PLCB4: variants seen among roughly 807,000 people sequenced by gnomAD.
PLCB4 encodes 1-phosphatidylinositol 4,5-bisphosphate phosphodiesterase beta-4.
Under a neutral mutation model 178.8 loss-of-function variants are expected in PLCB4, and 77 were observed. The observed-to-expected ratio is 0.43, with a 90% CI of 0.36 to 0.52. The LOEUF (loss-of-function observed/expected upper bound fraction) is 0.52, where lower values mean the gene tolerates loss of function less well. Among genes scored for constraint, PLCB4 ranks in the 20% least tolerant of loss-of-function variants. The pLI, the probability that PLCB4 is intolerant of heterozygous loss-of-function variation, is 0.00. For missense variants in PLCB4, 1,024 were observed against 1,453.4 expected (o/e 0.70, Z 4.80); for synonymous variants, 496 against 490.8 (o/e 1.01, Z -0.14).
chr20:9,130,142 G>A (rs951259012), intron 2 of PLCB4, among the ~76,000 whole-genome samples: 8 of 152,280 alleles, frequency 5.3e-5, no homozygotes, highest in Non-Finnish European at 1.2e-4. Context: ...AGTCAGAGCT[G>A]TGCTTCAGTG....
intron 13 of PLCB4, among the ~76,000 whole-genome samples, chr20:9,383,907 T>G (rs2037359172): frequency 6.6e-6 from 1 of 152,204 alleles, no homozygotes; most frequent in Admixed American, 6.5e-5. Context: ...ACAGGCCCCC[T>G]GGACCCCTGG....
chr20:9,385,806 G>A (rs2037583536), intron 14 of PLCB4, among the ~76,000 whole-genome samples: 1 of 151,672 alleles, frequency 6.6e-6, no homozygotes, highest in Admixed American at 6.6e-5. Flanking sequence ...CCACATCCCA[G>A]ACGATGGGCA....
chr20:9,307,512 C>T (rs868585269), intron 3 of PLCB4, among the ~76,000 whole-genome samples: 1,510 of 131,758 alleles, frequency 0.011, 25 homozygotes, highest in African/African-American at 0.019. Context: ...CACACACACA[C>T]ACACACACAC....
intron 1 of PLCB4, among the ~76,000 whole-genome samples, chr20:9,075,651 G>C (rs1367037105): frequency 6.6e-6 from 1 of 152,194 alleles, no homozygotes; most frequent in Non-Finnish European, 1.5e-5. Context: ...TGAGGCTTGC[G>C]CCCATCCAGG....
At chr20:9,270,877 A>G (rs1345149294) in intron 3 of PLCB4, among the ~76,000 whole-genome samples, 2 of 152,146 alleles carry the variant, frequency 1.3e-5, no homozygotes, top group East Asian at 3.9e-4. Context: ...CCATACTATC[A>G]TGGAAAGATC....
chr20:9,287,429 A>G (rs1203258579), intron 3 of PLCB4, among the ~76,000 whole-genome samples: 2 of 152,084 alleles, frequency 1.3e-5, no homozygotes, highest in African/African-American at 4.8e-5. Flanking sequence ...CTTTTGTGAA[A>G]TGAAGGTATC....
At chr20:9,329,112 G>A (rs369238755) in intron 4 of PLCB4, among the ~76,000 whole-genome samples, 2 of 152,248 alleles carry the variant, frequency 1.3e-5, no homozygotes, top group Admixed American at 6.5e-5. Context: ...TATTGTACAC[G>A]TGGTGACAAA....
chr20:9,444,339 G>A, intron 32 of PLCB4, 96 bp downstream of exon 32: 1 of 715,930 alleles, frequency 1.4e-6, no homozygotes, highest in Non-Finnish European at 2.5e-6. Context: ...CCACTTAACA[G>A]TAATAACTCA....
At chr20:9,093,126 G>T (rs1457911968) in intron 1 of PLCB4, among the ~76,000 whole-genome samples, 3 of 152,084 alleles carry the variant, frequency 2.0e-5, no homozygotes, top group Non-Finnish European at 4.4e-5. Flanking sequence ...AAGGCCTTAG[G>T]ATATACCATT....
chr20:9,096,653 G>A (rs999265505), intron 2 of PLCB4, among the ~76,000 whole-genome samples: 1 of 152,168 alleles, frequency 6.6e-6, no homozygotes, highest in African/African-American at 2.4e-5. Flanking sequence ...GATGAAATGT[G>A]TTCCTGTCTT....
chr20:9,408,109 T>C lies in PLCB4; in HGVS notation c.1789+51T>C, dbSNP rs773901959. On this transcript the variant is annotated intron_variant, in intron 22 of 39. Coordinates refer to ENST00000378473, the MANE Select transcript of PLCB4 (RefSeq NM_001377142.1). ...GCCTTTTTTGCTTGATTTTCTTTTA[T>C]GGTGCTGATGAGCTTTTATCTAATT... The C allele has an allele frequency of 2.3e-5, 34 of 1,454,438 alleles. No homozygotes were observed. In the East Asian group the frequency reaches 6.2e-4, roughly 26 times the overall value. The allele number at this position is 1,454,438 out of a possible 1,614,324, so 90.1% of individuals were successfully genotyped here.
chr20:9,303,344 C>T (rs145296911), intron 3 of PLCB4, among the ~76,000 whole-genome samples: 3 of 152,228 alleles, frequency 2.0e-5, no homozygotes, highest in Admixed American at 6.5e-5. Flanking sequence ...TCCACATTCC[C>T]CCTACCCTCA....
chr20:9,467,706 T>C (rs867807421), intron 35 of PLCB4, among the ~76,000 whole-genome samples: 7 of 152,188 alleles, frequency 4.6e-5, no homozygotes, highest in Non-Finnish European at 7.3e-5. Context: ...TACATGTTCC[T>C]GCTGGAGTGG....
intron 3 of PLCB4, among the ~76,000 whole-genome samples, chr20:9,292,762 G>A (rs1455109380): frequency 6.6e-6 from 1 of 152,122 alleles, no homozygotes; most frequent in Non-Finnish European, 1.5e-5. Context: ...GAGAGGAGCA[G>A]GTATACACAG....
At chr20:9,304,525 G>A (rs2094742803) in intron 3 of PLCB4, among the ~76,000 whole-genome samples, 1 of 152,086 alleles carries the variant, frequency 6.6e-6, no homozygotes, top group Non-Finnish European at 1.5e-5. Flanking sequence ...TTTAAATTGT[G>A]TTACTTTGAG....
At position 9,468,677 on chromosome 20, in the gene PLCB4, G is replaced by A. The variant is rs762570664; in HGVS notation, c.3350+5G>A. On this transcript the variant is annotated splice_donor_5th_base_variant and intron_variant, in intron 36 of 39. Transcript: ENST00000378473. Reference sequence around the variant, plus strand: ...GAATAAAGCAGAACGGGAAAGGTAAGTCTGAGAGTGTTCACTGCAGGAATA... The same window carrying A: ...GAATAAAGCAGAACGGGAAAGGTAAATCTGAGAGTGTTCACTGCAGGAATA... The A allele has an allele frequency of 1.2e-5, 18 of 1,517,794 alleles. No individual in the cohort carries two copies. The South Asian group carries it at 1.7e-4, about 14-fold the overall frequency. 94.0% of individuals were successfully genotyped at this position (1,517,794 alleles called of 1,614,324 possible). A position where few individuals can be genotyped will look rare whatever the true frequency, so the allele number is the denominator to read the frequency against.
At chr20:9,212,110 A>G (rs2093679308) in intron 2 of PLCB4, among the ~76,000 whole-genome samples, 2 of 152,214 alleles carry the variant, frequency 1.3e-5, no homozygotes, top group South Asian at 2.1e-4. Flanking sequence ...ATATTAGCCA[A>G]TGCGATACAA....
At chr20:9,302,562 C>T (rs1171598662) in intron 3 of PLCB4, among the ~76,000 whole-genome samples, 1 of 152,036 alleles carries the variant, frequency 6.6e-6, no homozygotes, top group African/African-American at 2.4e-5. Flanking sequence ...CATCATTTTG[C>T]CAGAATACTT....
At chr20:9,253,766 C>T (rs1382083799) in intron 3 of PLCB4, among the ~76,000 whole-genome samples, 2 of 152,188 alleles carry the variant, frequency 1.3e-5, no homozygotes, top group Non-Finnish European at 2.9e-5. Context: ...TGCCCATGTT[C>T]ACTTCCCAGG....
Sources: gnomAD v4.1 joint callset for allele counts (sites outside exome capture counted in the v4.1 genomes callset) on GRCh38, gnomAD v4.1.1 for gene constraint, MANE v1.5 for transcripts, NCBI Gene and HGNC (gene_info 2026-07-23, HGNC 2026-07-21) for gene names.